PTPN3: variants seen among roughly 807,000 people sequenced by gnomAD.
PTPN3 encodes tyrosine-protein phosphatase non-receptor type 3.
A neutral mutation model predicts 132.7 loss-of-function variants in PTPN3; 96 were observed. That is an observed-to-expected ratio of 0.72 (90% CI 0.61 to 0.86). The LOEUF is 0.86. Ranked by LOEUF, PTPN3 falls within the 40% of genes least tolerant of loss-of-function variation. The pLI is 0.00. For synonymous variants in PTPN3, 398 were observed against 429.0 expected (o/e 0.93, Z 0.89); for missense variants, 1,125 against 1,159.6 (o/e 0.97, Z 0.43).
intron 1 of PTPN3, among the ~76,000 whole-genome samples, chr9:109,491,251 T>C (rs1232908479): frequency 6.6e-6 from 1 of 152,004 alleles, no homozygotes; most frequent in Non-Finnish European, 1.5e-5. Context: ...TTAAACAATG[T>C]TGTATCACTA....
the PTPN3 span, among the ~76,000 whole-genome samples, chr9:109,521,479 A>T: frequency 3.3e-5 from 5 of 152,116 alleles, no homozygotes; most frequent in Admixed American, 3.3e-4. Flanking sequence ...GAACTATTGC[A>T]TCCCAGTTTC....
intron 19 of PTPN3, among the ~76,000 whole-genome samples, chr9:109,401,229 C>T (rs1416258051): frequency 7.9e-5 from 12 of 152,208 alleles, no homozygotes; most frequent in Admixed American, 1.3e-4. Flanking sequence ...GACAAAGCCT[C>T]GGATGCACAG....
chr9:109,493,205 C>A (rs1847536380), intron 1 of PTPN3, among the ~76,000 whole-genome samples: 1 of 152,202 alleles, frequency 6.6e-6, no homozygotes, highest in African/African-American at 2.4e-5. Context: ...GAATTCAAGA[C>A]CAGCCTGGCA....
chr9:109,404,008 G>A (rs1251032839), intron 19 of PTPN3, among the ~76,000 whole-genome samples: 1 of 152,166 alleles, frequency 6.6e-6, no homozygotes, highest in Non-Finnish European at 1.5e-5. Context: ...GGCTGGGGGT[G>A]GTCAGAGAGC....
At chr9:109,526,802 T>C in the PTPN3 span, among the ~76,000 whole-genome samples, 1 of 152,202 alleles carries the variant, frequency 6.6e-6, no homozygotes, top group Non-Finnish European at 1.5e-5. Flanking sequence ...TAAGATAGTT[T>C]GGTACATGGA....
chr9:109,434,917 T>TA (rs1369591611), intron 9 of PTPN3, among the ~76,000 whole-genome samples: 2 of 152,132 alleles, frequency 1.3e-5, no homozygotes, highest in Non-Finnish European at 2.9e-5. Context: ...AACATGGAGT[T>TA]AGAGAAACGG....
At chr9:109,392,536 T>A (rs1840213948) in intron 19 of PTPN3, 1 of 152,238 alleles carries the variant, frequency 6.6e-6, no homozygotes, top group Non-Finnish European at 1.5e-5. Flanking sequence ...CACATATATG[T>A]AAACGCATAA....
chr9:109,497,135 T>C (rs140508792), intron 1 of PTPN3, among the ~76,000 whole-genome samples: 1 of 152,306 alleles, frequency 6.6e-6, no homozygotes, highest in East Asian at 1.9e-4. Context: ...CCGAAGGCCT[T>C]GACTTCGGCA....
Position 109,428,637 on chromosome 9 carries a change from T to C in PTPN3, c.812A>G (p.His271Arg), listed in dbSNP as rs1187955331. ...ACTACTCACCTGTTTCTGTCGCTGA[T>C]GTATGAAGAACTTTTTCCTTTTGAA... is the stretch of plus-strand genomic sequence containing the variant. ...ISFKRKKFFI[H>R]QRQKQAESRE... Residue 271 changes from histidine (H) to arginine (R), a missense_variant, in exon 11 of 26, where the codon CAT becomes CGT. Transcript: ENST00000374541. 5 of 1,613,784 alleles carry C rather than the reference T, an allele frequency of 3.1e-6. No homozygotes were observed. The highest frequency in any genetic ancestry group is 1.7e-5 in the Admixed American group (1 of 60,004).
At position 109,448,964 on chromosome 9, in the gene PTPN3, C is replaced by G. The variant is rs574617056; in HGVS notation, c.369-109G>C. The G allele has an allele frequency of 1.2e-5, 18 of 1,499,492 alleles. No individual in the cohort carries two copies. The South Asian group carries it at 2.3e-4, about 19-fold the overall frequency. The allele number at this position is 1,499,492 out of a possible 1,614,324, so 92.9% of individuals were successfully genotyped here. ...ACAAGAGCTGTACATGTGAAAGATA[C>G]ATAAAAATACGGTTTTGGTCCAAGG... On this transcript the variant is annotated intron_variant, in intron 5 of 25. Transcript: ENST00000374541.
intron 22 of PTPN3, among the ~76,000 whole-genome samples, chr9:109,386,211 A>G (rs1839569886): frequency 6.6e-6 from 1 of 152,180 alleles, no homozygotes; most frequent in African/African-American, 2.4e-5. Flanking sequence ...GGTTTGTAAC[A>G]GGAGAGGGAG....
chr9:109,382,689 G>A (rs1839213790), intron 23 of PTPN3, among the ~76,000 whole-genome samples: 1 of 150,896 alleles, frequency 6.6e-6, no homozygotes, highest in Non-Finnish European at 1.5e-5. Flanking sequence ...GATCTCCTCT[G>A]CCCAGTGATC....
At chr9:109,398,764 G>A (rs993595785) in intron 19 of PTPN3, among the ~76,000 whole-genome samples, 5 of 152,178 alleles carry the variant, frequency 3.3e-5, no homozygotes, top group Admixed American at 6.5e-5. Context: ...CTCAAATAAA[G>A]GACAGGTTAG....
At chr9:109,384,846 G>A (rs1409690248) in intron 22 of PTPN3, among the ~76,000 whole-genome samples, 1 of 152,214 alleles carries the variant, frequency 6.6e-6, no homozygotes, top group South Asian at 2.1e-4. Context: ...CTATGCCGCT[G>A]GAAAGCTGGA....
chr9:109,404,537 TG>T lies in PTPN3; in HGVS notation c.1863del (p.Met622CysfsTer16). The T allele has an allele frequency of 6.4e-7, 1 of 1,569,506 alleles. No homozygotes were observed. The highest frequency in any genetic ancestry group is 1.2e-5 in the South Asian group (1 of 82,180). On this transcript the variant is annotated frameshift_variant, in exon 19 of 26. Coordinates refer to ENST00000374541, the MANE Select transcript of PTPN3 (RefSeq NM_002829.4). LOFTEE classifies it high-confidence loss of function. ...LNQLFPEAIF[P>X]MCPEGGDTLE... Reference sequence around the variant, plus strand: ...AAAGTGTCCCCACCCTCCGGACACATGGGGAAAATGGCTTCGGGGAAAAGCT... The same window carrying T: ...AAAGTGTCCCCACCCTCCGGACACATGGGAAAATGGCTTCGGGGAAAAGCT...
Position 109,408,373 on chromosome 9 carries a change from C to G in PTPN3, c.1583G>C (p.Gly528Ala). The change falls in exon 17 of 26, where the codon GGA (glycine) becomes GCA (alanine). Residue 528 changes from glycine to alanine, a missense_variant. Gly to Ala is a moderately conservative substitution (Grantham distance 60). Coordinates refer to ENST00000374541, the MANE Select transcript of PTPN3 (RefSeq NM_002829.4). ...CACAAGAGGCATCTTTTGATCCACT[C>G]CTCCCTGTAAACATTTTAAAATAAA... ...DGKFGFNLKG[G>A]VDQKMPLVVS... 2 of 1,586,174 alleles carry G rather than the reference C, an allele frequency of 1.3e-6. No individual in the cohort carries two copies. Among genetic ancestry groups the G allele is most frequent in the South Asian group, 1.2e-5 (1 of 86,456 alleles).
chr9:109,424,870 C>T (rs1207221742), intron 12 of PTPN3, among the ~76,000 whole-genome samples: 1 of 152,170 alleles, frequency 6.6e-6, no homozygotes. Context: ...AGACCAGAAC[C>T]CAGCCCTGCT....
intron 22 of PTPN3, 116 bp downstream of exon 22, chr9:109,389,117 G>C: frequency 3.0e-6 from 4 of 1,352,264 alleles, no homozygotes; most frequent in Non-Finnish European, 3.0e-6. Flanking sequence ...GGAGACTTAG[G>C]GTCACATACG....
upstream of PTPN3, among the ~76,000 whole-genome samples, chr9:109,499,568 A>ACG (rs1847826581): frequency 1.2e-5 from 1 of 82,522 alleles, no homozygotes; most frequent in South Asian, 4.4e-4. Flanking sequence ...CCCCCCTGCA[A>ACG]CACTGTCTGG....
Sources: allele counts gnomAD v4.1 joint callset (sites outside exome capture counted in the v4.1 genomes callset), GRCh38; gene constraint gnomAD v4.1.1; transcripts MANE v1.5; gene names NCBI Gene and HGNC (gene_info 2026-07-23, HGNC 2026-07-21).